Variants in HS6ST2 observed in about 807,000 individuals in gnomAD.
HS6ST2 encodes the protein heparan-sulfate 6-O-sulfotransferase 2.
HS6ST2 carries 17 observed loss-of-function variants against 33.0 expected under a neutral mutation model. The observed-to-expected ratio is 0.52, with a 90% confidence interval of 0.35 to 0.77. The LOEUF is 0.77. HS6ST2 is among the 30% of genes least tolerant of loss of function. The pLI, the probability that HS6ST2 is intolerant of heterozygous loss-of-function variation, is 0.01. For synonymous variants in HS6ST2, 248 were observed against 237.1 expected (o/e 1.05, Z -0.42); for missense variants, 519 against 551.7 (o/e 0.94, Z 0.59).
chrX:132,664,694 C>T (rs1275860648), intron 4 of HS6ST2, among the ~76,000 whole-genome samples: 1 of 111,900 alleles, frequency 8.9e-6, no homozygotes, highest in East Asian at 2.8e-4. Context: ...GGTTGCTCTG[C>T]CCTGGCCCCA....
chrX:132,915,447 G>T (rs971020343), intron 2 of HS6ST2, among the ~76,000 whole-genome samples: 2 of 112,156 alleles, frequency 1.8e-5, no homozygotes, highest in African/African-American at 3.2e-5. Context: ...TTGCTTTAAT[G>T]TGTAACAACA....
At chrX:132,900,474 T>A (rs1415349766) in intron 2 of HS6ST2, among the ~76,000 whole-genome samples, 2 of 111,281 alleles carry the variant, frequency 1.8e-5, no homozygotes, top group Non-Finnish European at 3.8e-5. Context: ...CTAGCACTTT[T>A]GGAGGCTGAA....
intron 2 of HS6ST2, among the ~76,000 whole-genome samples, chrX:132,829,135 A>G (rs1294304538): frequency 1.1e-5 from 1 of 94,879 alleles, no homozygotes; most frequent in African/African-American, 4.0e-5. Context: ...TAAGCTGGAA[A>G]GTATCTAAGT....
chrX:132,920,693 G>A (rs2066643087), intron 2 of HS6ST2, among the ~76,000 whole-genome samples: 1 of 112,642 alleles, frequency 8.9e-6, no homozygotes, highest in Non-Finnish European at 1.9e-5. Flanking sequence ...ACATGAAAAA[G>A]CTTGTCTGGT....
At chrX:132,809,068 A>C (rs1569493354) in intron 2 of HS6ST2, among the ~76,000 whole-genome samples, 1 of 111,827 alleles carries the variant, frequency 8.9e-6, no homozygotes, top group Non-Finnish European at 1.9e-5. Context: ...GGCTCACTGC[A>C]ACCTCCACCT....
At chrX:132,914,244 T>C (rs2066563349) in intron 2 of HS6ST2, among the ~76,000 whole-genome samples, 2 of 112,431 alleles carry the variant, frequency 1.8e-5, no homozygotes, top group South Asian at 7.3e-4. Context: ...TCCCTGACAG[T>C]GTGCTTTCTG....
At chrX:132,772,972 T>C (rs2148323453) in intron 2 of HS6ST2, among the ~76,000 whole-genome samples, 1 of 86,515 alleles carries the variant, frequency 1.2e-5, no homozygotes, top group East Asian at 3.5e-4. Flanking sequence ...ATATATAATA[T>C]ATTAATGTAA....
chrX:132,820,521 C>T (rs1244985425), intron 2 of HS6ST2, among the ~76,000 whole-genome samples: 1 of 111,352 alleles, frequency 9.0e-6, no homozygotes, highest in Non-Finnish European at 1.9e-5. Context: ...TCGGAGAAAG[C>T]CCATGCAACG....
At chrX:132,820,989 A>G (rs1167124124) in intron 2 of HS6ST2, among the ~76,000 whole-genome samples, 2 of 110,571 alleles carry the variant, frequency 1.8e-5, no homozygotes, top group Non-Finnish European at 3.8e-5. Context: ...GTTCCCATTA[A>G]CAAATTAGGG....
chrX:132,893,001 T>A (rs1221123457), intron 2 of HS6ST2, among the ~76,000 whole-genome samples: 11 of 112,546 alleles, frequency 9.8e-5, no homozygotes, highest in Non-Finnish European at 1.9e-5. Context: ...ATTGTTGTAT[T>A]GTTATGTTTT....
chrX:132,818,141 T>C (rs1285576537), intron 2 of HS6ST2, among the ~76,000 whole-genome samples: 1 of 110,955 alleles, frequency 9.0e-6, no homozygotes, highest in African/African-American at 3.3e-5. Flanking sequence ...AAAAGGTTTG[T>C]AATCCTAATA....
chrX:132,893,895 C>T (rs1473339930), intron 2 of HS6ST2, among the ~76,000 whole-genome samples: 1 of 111,248 alleles, frequency 9.0e-6, no homozygotes, highest in Non-Finnish European at 1.9e-5. Context: ...CCTTAACACT[C>T]CAGATCCAGT....
intron 2 of HS6ST2, among the ~76,000 whole-genome samples, chrX:132,898,641 T>C (rs1483231464): frequency 2.7e-5 from 3 of 110,196 alleles, no homozygotes; most frequent in Admixed American, 1.9e-4. Flanking sequence ...GGGGAACAAG[T>C]GAGGCACCCC....
At chrX:132,651,434 T>A (rs1464596657) in intron 4 of HS6ST2, among the ~76,000 whole-genome samples, 1 of 112,009 alleles carries the variant, frequency 8.9e-6, no homozygotes, top group South Asian at 3.7e-4. Context: ...TTCCATATAA[T>A]CATTCTCCTC....
At chrX:132,680,959 C>T (rs1384881244) in intron 3 of HS6ST2, among the ~76,000 whole-genome samples, 11 of 109,228 alleles carry the variant, frequency 1.0e-4, no homozygotes, top group East Asian at 2.9e-4. Context: ...AAGATCAGAT[C>T]GCGCCATTGC....
chrX:132,915,750 A>C (rs2066580519), intron 2 of HS6ST2, among the ~76,000 whole-genome samples: 1 of 106,466 alleles, frequency 9.4e-6, no homozygotes, highest in Admixed American at 1.0e-4. Flanking sequence ...TTTTTTTGAG[A>C]GAGAGTCTCT....
chrX:132,700,896 C>T (rs1170999960), intron 3 of HS6ST2, among the ~76,000 whole-genome samples: 1 of 111,141 alleles, frequency 9.0e-6, no homozygotes, highest in Non-Finnish European at 1.9e-5. Context: ...CACCTCTATG[C>T]GATCCTGTAC....
intron 4 of HS6ST2, among the ~76,000 whole-genome samples, chrX:132,659,314 A>AC (rs1225185746): frequency 2.7e-5 from 3 of 111,567 alleles, no homozygotes; most frequent in Non-Finnish European, 5.7e-5. Context: ...TCAGCAAGCG[A>AC]CCATCCTGAA....
At chrX:132,745,091 T>C (rs2064624131) in intron 2 of HS6ST2, among the ~76,000 whole-genome samples, 1 of 111,295 alleles carries the variant, frequency 9.0e-6, no homozygotes, top group Non-Finnish European at 1.9e-5. Context: ...GGTTTTTTTA[T>C]TATTATTTTT....
Sources: gnomAD v4.1 joint callset for allele counts (sites outside exome capture counted in the v4.1 genomes callset) on GRCh38, gnomAD v4.1.1 for gene constraint, MANE v1.5 for transcripts, NCBI Gene and HGNC (gene_info 2026-07-23, HGNC 2026-07-21) for gene names.